SPATA16: variants seen among roughly 807,000 people sequenced by gnomAD.
SPATA16 encodes spermatogenesis-associated protein 16.
SPATA16 carries 36 observed loss-of-function variants against 63.3 expected under a neutral mutation model. That is an observed-to-expected ratio of 0.57 (90% CI 0.44 to 0.75). The LOEUF (loss-of-function observed/expected upper bound fraction) is 0.75. SPATA16 is among the 30% of genes least tolerant of loss of function. The pLI is 0.00. For missense variants in SPATA16, 646 were observed against 679.3 expected (o/e 0.95, Z 0.54); for synonymous variants, 203 against 216.7 (o/e 0.94, Z 0.56).
intron 1 of SPATA16, among the ~76,000 whole-genome samples, chr3:173,130,134 G>A (rs896496798): frequency 3.9e-5 from 6 of 152,000 alleles, no homozygotes; most frequent in Non-Finnish European, 5.9e-5. Flanking sequence ...GGGTCGAGGC[G>A]GCGGATCACG....
chr3:172,993,875 G>T (rs1044107200), intron 4 of SPATA16, among the ~76,000 whole-genome samples: 3 of 152,074 alleles, frequency 2.0e-5, no homozygotes, highest in Non-Finnish European at 4.4e-5. Flanking sequence ...CAGTTGGGGG[G>T]ACTGAAGTCT....
At chr3:173,000,240 TG>T (rs984264854) in intron 4 of SPATA16, among the ~76,000 whole-genome samples, 1 of 152,224 alleles carries the variant, frequency 6.6e-6, no homozygotes, top group African/African-American at 2.4e-5. Context: ...ACACAGAATT[TG>T]CCAGCACCTT....
chr3:172,896,907 A>T (rs79124199), intron 10 of SPATA16, among the ~76,000 whole-genome samples: 14,155 of 148,562 alleles, frequency 0.095, 731 homozygotes, highest in African/African-American at 0.14. Context: ...ATCCTTTTTT[A>T]TTTTTTTAAC....
chr3:173,037,157 A>G (rs1735731644), intron 3 of SPATA16, among the ~76,000 whole-genome samples: 1 of 152,084 alleles, frequency 6.6e-6, no homozygotes, highest in African/African-American at 2.4e-5. Flanking sequence ...ATGAAGATGA[A>G]GAAGCACATG....
chr3:173,127,680 T>A (rs1738263509), intron 1 of SPATA16, among the ~76,000 whole-genome samples: 1 of 152,246 alleles, frequency 6.6e-6, no homozygotes, highest in Non-Finnish European at 1.5e-5. Flanking sequence ...ATGTTGTGTG[T>A]TTCTCAGGGT....
chr3:172,893,322 A>G (rs1731932431), intron 10 of SPATA16, among the ~76,000 whole-genome samples: 1 of 152,194 alleles, frequency 6.6e-6, no homozygotes, highest in Non-Finnish European at 1.5e-5. Flanking sequence ...ATGCACACAC[A>G]GGAAGAATAC....
chr3:173,067,595 G>T (rs1736552322), intron 2 of SPATA16, among the ~76,000 whole-genome samples: 1 of 151,772 alleles, frequency 6.6e-6, no homozygotes, highest in South Asian at 2.1e-4. Flanking sequence ...AACCTAAAAT[G>T]AAAGTTGGGA....
intron 10 of SPATA16, among the ~76,000 whole-genome samples, chr3:172,906,490 G>T (rs74197173): frequency 0.098 from 14,853 of 152,214 alleles, 836 homozygotes; most frequent in African/African-American, 0.15. Flanking sequence ...GAGAACTGAA[G>T]ACAAACTGGG....
intron 1 of SPATA16, among the ~76,000 whole-genome samples, chr3:173,123,913 A>AT (rs35395843): frequency 0.045 from 6,820 of 152,132 alleles, 211 homozygotes; most frequent in African/African-American, 0.084. Flanking sequence ...CTGGTATTAG[A>AT]TTTTTAGTGT....
chr3:173,043,602 T>G (rs933127654), intron 3 of SPATA16, among the ~76,000 whole-genome samples: 60 of 152,166 alleles, frequency 3.9e-4, no homozygotes, highest in African/African-American at 1.4e-3. Context: ...CATTTATCAC[T>G]TCTGGTACTT....
intron 2 of SPATA16, among the ~76,000 whole-genome samples, chr3:173,061,778 G>A (rs564792025): frequency 1.3e-4 from 20 of 152,234 alleles, no homozygotes; most frequent in South Asian, 2.1e-4. Flanking sequence ...TTTCTACATG[G>A]TACCTCATAG....
intron 4 of SPATA16, among the ~76,000 whole-genome samples, chr3:172,979,860 A>T (rs550547101): frequency 6.6e-6 from 1 of 152,344 alleles, no homozygotes; most frequent in Non-Finnish European, 1.5e-5. Flanking sequence ...TTAAAATTAA[A>T]TAACAAAAAA....
At position 173,117,119 on chromosome 3, in the gene SPATA16, C is replaced by CCTCAAGTG. The variant is rs759798206; in HGVS notation, c.605_612dup (p.Leu205HisfsTer22). The CCTCAAGTG allele has an allele frequency of 6.2e-7, 1 of 1,613,910 alleles. No homozygotes were observed. The highest frequency in any genetic ancestry group is 1.1e-5 in the South Asian group (1 of 91,084). On this transcript the variant is annotated frameshift_variant and splice_region_variant. Coordinates refer to ENST00000351008, the MANE Select transcript of SPATA16 (RefSeq NM_031955.6). LOFTEE classifies it high-confidence loss of function. The stretch of plus-strand genomic sequence containing the variant: ...AATCTATATTTTCTTTAATCCCATA[C>CCTCAAGTG]CTCAAGTGCTGTTCTGAACTGTCCT...
intron 6 of SPATA16, among the ~76,000 whole-genome samples, chr3:172,928,668 C>T (rs1360765458): frequency 6.6e-6 from 1 of 152,134 alleles, no homozygotes; most frequent in African/African-American, 2.4e-5. Flanking sequence ...AAACGAGTAT[C>T]AGTACTATAC....
chr3:172,943,882 A>C (rs1733219272), intron 6 of SPATA16, among the ~76,000 whole-genome samples: 1 of 152,216 alleles, frequency 6.6e-6, no homozygotes, highest in Non-Finnish European at 1.5e-5. Context: ...TATTCAAAAA[A>C]CCCAAATGAA....
chr3:172,913,708 C>T lies in SPATA16; in HGVS notation c.1540G>A (p.Glu514Lys), dbSNP rs1014077300. 3 of 1,613,668 alleles carry T rather than the reference C, an allele frequency of 1.9e-6. No individual in the cohort carries two copies. In the African/African-American group the frequency reaches 4.0e-5, roughly 22 times the overall value. The change falls in exon 10 of 11, where the codon GAA (glutamate) becomes AAA (lysine). Residue 514 changes from glutamate to lysine, a missense_variant. Physicochemically the swap from Glu to Lys is moderately conservative, Grantham distance 56 (BLOSUM62 1). Coordinates refer to ENST00000351008, the MANE Select transcript of SPATA16 (RefSeq NM_031955.6). Reference sequence around the variant, plus strand: ...CGTTCATTATTGTTTCTTCTTCCTTCAAGGGTGTCCATAGCATCTGCCATT... The same window carrying T: ...CGTTCATTATTGTTTCTTCTTCCTTTAAGGGTGTCCATAGCATCTGCCATT... The part of the protein sequence containing the change: ...SLMADAMDTL[E>K]GRRNNNERVW...
intron 6 of SPATA16, among the ~76,000 whole-genome samples, chr3:172,939,278 A>G (rs975251819): frequency 1.3e-5 from 2 of 152,062 alleles, no homozygotes; most frequent in African/African-American, 4.8e-5. Flanking sequence ...TCTTTCTCCT[A>G]CTATAAACCT....
intron 4 of SPATA16, among the ~76,000 whole-genome samples, chr3:172,997,186 C>G (rs540351855): frequency 6.6e-6 from 1 of 152,196 alleles, no homozygotes; most frequent in South Asian, 2.1e-4. Flanking sequence ...AAGAATATGC[C>G]TTAGTTTTAT....
intron 1 of SPATA16, among the ~76,000 whole-genome samples, chr3:173,139,567 C>G (rs148456371): frequency 6.6e-6 from 1 of 152,304 alleles, no homozygotes; most frequent in Admixed American, 6.5e-5. Context: ...CTATGGCCTA[C>G]AATTGTTGGG....
Sources: allele counts gnomAD v4.1 joint callset (sites outside exome capture counted in the v4.1 genomes callset), GRCh38; gene constraint gnomAD v4.1.1; transcripts MANE v1.5; gene names NCBI Gene and HGNC (gene_info 2026-07-23, HGNC 2026-07-21).